The following FXYD7 variants were observed in gnomAD, a reference collection of about 807,000 sequenced individuals.
FXYD7 encodes FXYD domain containing ion transport regulator 7, also known as FXYD domain-containing ion transport regulator 7.
FXYD7 carries 7 observed loss-of-function variants against 15.3 expected under a neutral mutation model. That is an observed-to-expected ratio of 0.46 (90% confidence interval 0.26 to 0.86). The LOEUF is 0.86. FXYD7 is among the 40% of genes least tolerant of loss of function. FXYD7 has a pLI of 0.16. For missense variants in FXYD7, 78 were observed against 100.6 expected, an observed-to-expected ratio of 0.78 and a Z score of 0.96; for synonymous variants, 39 against 39.3, an observed-to-expected ratio of 0.99 and a Z score of 0.03.
In FXYD7 at chr19:35,154,240, C is replaced by T. The variant is rs1269092526; in HGVS notation, c.*324C>T. ...CCTTGTCTCATCCCCGAAGATCCGT[C>T]CCCCTGGCCCCTCAGTGTCCATGTC... On this transcript the variant is annotated 3_prime_UTR_variant, in exon 6 of 6. Coordinates refer to ENST00000270310, the MANE Select transcript of FXYD7 (RefSeq NM_022006.2). 6.3e-6 allele frequency: 3 copies of T among 478,030 alleles called. No homozygotes were observed. Among genetic ancestry groups the T allele is most frequent in the Non-Finnish European group, 7.4e-6 (2 of 268,654 alleles). The allele number at this position is 478,030 out of a possible 1,614,324, so 29.6% of individuals were successfully genotyped here. A position where few individuals can be genotyped will look rare whatever the true frequency, so the allele number is the denominator to read the frequency against.
At chr19:35,148,879 A>G in intron 2 of FXYD7, 156 bp downstream of exon 2, 1 of 772,826 alleles carries the variant, frequency 1.3e-6, no homozygotes, top group Non-Finnish European at 2.3e-6. Flanking sequence ...AGCTGAGTTC[A>G]TGGAGGGCAG....
At chr19:35,148,666 T>C (rs1568406056) in intron 1 of FXYD7, 28 bp from the exon 2 acceptor site, 8 of 1,526,178 alleles carry the variant, frequency 5.2e-6, no homozygotes, top group Non-Finnish European at 6.1e-6. Flanking sequence ...TTTTTTTCTT[T>C]CTCTTTTTCT....
At chr19:35,153,032 C>CGTTTTTTTTTTTTTTTTTTTTTTTTTT in intron 5 of FXYD7, among the ~76,000 whole-genome samples, 1 of 59,478 alleles carries the variant, frequency 1.7e-5, no homozygotes, top group Non-Finnish European at 3.2e-5. Flanking sequence ...GTTTCACGTT[C>CGTTTTTTTTTTTTTTTTTTTTTTTTTT]CTTTTTTTTT....
Position 35,153,769 on chromosome 19 carries a change from T to C in FXYD7, c.221-125T>C, listed in dbSNP as rs2065326051. 6.0e-6 allele frequency: 5 copies of C among 830,950 alleles called. No homozygotes were observed. In the South Asian group the frequency reaches 7.2e-5, roughly 12 times the overall value. The allele number at this position is 830,950 out of a possible 1,614,324, so 51.5% of individuals were successfully genotyped here. A position where few individuals can be genotyped will look rare whatever the true frequency, so the allele number is the denominator to read the frequency against. ...GGGAGGCAAGACAGCTCCTCAGTGT[T>C]AGCTCTGGGGTGACAGTCCCTGGGG... On this transcript the variant is annotated intron_variant, in intron 5 of 5. Transcript: ENST00000270310.
chr19:35,147,972 G>A (rs915002412), intron 1 of FXYD7, among the ~76,000 whole-genome samples: 2 of 150,448 alleles, frequency 1.3e-5, no homozygotes, highest in African/African-American at 4.9e-5. Flanking sequence ...CAGCCTGGGT[G>A]ACAGGGCAAG....
At chr19:35,153,616 C>T (rs1483431166) in intron 5 of FXYD7, among the ~76,000 whole-genome samples, 2 of 152,204 alleles carry the variant, frequency 1.3e-5, no homozygotes, top group Admixed American at 1.3e-4. Flanking sequence ...GAGATGGGGA[C>T]TCCCTTTCTG....
intron 1 of FXYD7, 41 bp from the exon 2 acceptor site, chr19:35,148,653 T>G: frequency 6.9e-7 from 1 of 1,446,006 alleles, no homozygotes; most frequent in Non-Finnish European, 9.3e-7. Flanking sequence ...CACTGTTAAG[T>G]TTTTTTTTTC....
chr19:35,145,491 A>G (rs1187040835), intron 1 of FXYD7, among the ~76,000 whole-genome samples: 1 of 152,344 alleles, frequency 6.6e-6, no homozygotes, highest in East Asian at 1.9e-4. Flanking sequence ...GACAAGTGAG[A>G]CAATCCACCT....
intron 2 of FXYD7, among the ~76,000 whole-genome samples, 165 bp from the exon 3 acceptor site, chr19:35,151,089 C>T (rs1024114889): frequency 2.0e-5 from 3 of 151,974 alleles, no homozygotes; most frequent in Non-Finnish European, 4.4e-5. Flanking sequence ...TGCCCAAGCC[C>T]ACACCCTACA....
intron 1 of FXYD7, among the ~76,000 whole-genome samples, chr19:35,147,039 C>G (rs1362189477): frequency 1.3e-5 from 2 of 152,312 alleles, no homozygotes; most frequent in East Asian, 3.9e-4. Flanking sequence ...TTATGACAAC[C>G]AGGTTCACGT....
rs191212875 is a variant in FXYD7, at chr19:35,148,886, G to A, written c.61+163G>A. ...TTCACATCAGCTGAGTTCATGGAGG[G>A]CAGAACCAGATGGGGGAGTGGGGAT... is the stretch of plus-strand genomic sequence containing the variant. On this transcript the variant is annotated intron_variant, in intron 2 of 5. Transcript: ENST00000270310. 32 of 762,042 alleles carry A rather than the reference G, an allele frequency of 4.2e-5. 1 individual carries two copies. Among genetic ancestry groups the A allele is most frequent in the African/African-American group, 4.1e-4 (24 of 59,026 alleles). The allele number at this position is 762,042 out of a possible 1,614,324, so 47.2% of individuals were successfully genotyped here. A position where few individuals can be genotyped will look rare whatever the true frequency, so the allele number is the denominator to read the frequency against.
chr19:35,153,030 T>C (rs1269573160), intron 5 of FXYD7, among the ~76,000 whole-genome samples: 1 of 134,220 alleles, frequency 7.5e-6, no homozygotes, highest in Non-Finnish European at 1.6e-5. Flanking sequence ...TTGTTTCACG[T>C]TCCTTTTTTT....
At position 35,143,750 on chromosome 19, in the gene FXYD7, G is replaced by T. The variant is rs2065278504; in HGVS notation, c.31+386G>T. Among the ~76,000 whole-genome samples the T allele has an allele frequency of 6.6e-6, 1 of 152,190 alleles. No homozygotes were observed. Among genetic ancestry groups the T allele is most frequent in the South Asian group, 2.1e-4 (1 of 4,830 alleles). On this transcript the variant is annotated intron_variant, in intron 1 of 5. Coordinates refer to ENST00000270310, the MANE Select transcript of FXYD7 (RefSeq NM_022006.2). This position sits in a 1 kb window ranked among gnomAD's most constrained non-coding sequence, Gnocchi z 4.3. ...GTTCTGGAAGATTTCAGGGTCCCTGGGGTGGGCAAGGGAAGGGGAGGAGGT... is the reference window on the plus strand; with the variant it reads ...GTTCTGGAAGATTTCAGGGTCCCTGTGGTGGGCAAGGGAAGGGGAGGAGGT...
chr19:35,151,312 T>C lies in FXYD7; in HGVS notation c.120T>C (p.Gly40=). 1 of 1,608,908 alleles carries C rather than the reference T, an allele frequency of 6.2e-7. No homozygotes were observed. Among genetic ancestry groups the C allele is most frequent in the Non-Finnish European group, 8.5e-7 (1 of 1,175,240 alleles). The change falls in exon 3 of 6, where the codon GGT becomes GGC. Residue 40 remains glycine, a synonymous_variant. Transcript: ENST00000270310. ...MTLATILFLL[G]ILIVISKKVK... ...TGGCAACCATCTTGTTCCTGCTGGG[T>C]ATCCTCATCGTCATCAGTAAGTGCG...
intron 5 of FXYD7, among the ~76,000 whole-genome samples, chr19:35,153,032 C>CGTTTTTTTTTTTTTTTTTTTT (rs1568407782): frequency 5.0e-5 from 3 of 59,478 alleles, no homozygotes; most frequent in Non-Finnish European, 9.5e-5. Context: ...GTTTCACGTT[C>CGTTTTTTTTTTTTTTTTTTTT]CTTTTTTTTT....
Position 35,151,323 on chromosome 19 carries a change from T to C in FXYD7, c.131T>C (p.Val44Ala), listed in dbSNP as rs2065308929. 1 of 1,606,958 alleles carries C rather than the reference T, an allele frequency of 6.2e-7. No individual in the cohort carries two copies. The highest frequency in any genetic ancestry group is 8.5e-7 in the Non-Finnish European group (1 of 1,173,446). Residue 44 changes from valine (V) to alanine (A), a missense_variant, in exon 3 of 6, where the codon GTC becomes GCC. Coordinates refer to ENST00000270310, the MANE Select transcript of FXYD7 (RefSeq NM_022006.2). ...TILFLLGILIVISKKVKCRKA... is the reference protein window; with the variant it reads ...TILFLLGILIAISKKVKCRKA... ...TTGTTCCTGCTGGGTATCCTCATCG[T>C]CATCAGTAAGTGCGACCCATTCCTG...
At chr19:35,150,843 A>G (rs2065307024) in intron 2 of FXYD7, among the ~76,000 whole-genome samples, 1 of 152,080 alleles carries the variant, frequency 6.6e-6, no homozygotes, top group Non-Finnish European at 1.5e-5. Context: ...GAGAAACCAG[A>G]TCTGACTCAA....
In FXYD7 at chr19:35,143,392, AG is replaced by A. The variant is rs2065276258; in HGVS notation, c.31+34del. 2.0e-6 allele frequency: 3 copies of A among 1,490,436 alleles called. No individual in the cohort carries two copies. The highest frequency in any genetic ancestry group is 1.3e-5 in the South Asian group (1 of 78,710). 92.3% of individuals were successfully genotyped at this position (1,490,436 alleles called of 1,614,324 possible). ...GAGCGTCGTTTGGGGAGGGGGTTGCAGGGGGGCTCCGGGATCTGAGAGCCTA... is the reference window on the plus strand; with the variant it reads ...GAGCGTCGTTTGGGGAGGGGGTTGCAGGGGGCTCCGGGATCTGAGAGCCTA... On this transcript the variant is annotated intron_variant, in intron 1 of 5. Transcript: ENST00000270310. This position sits in a 1 kb window ranked among gnomAD's most constrained non-coding sequence, Gnocchi z 4.3.
chr19:35,150,019 T>G (rs1446618325), intron 2 of FXYD7, among the ~76,000 whole-genome samples: 1 of 152,058 alleles, frequency 6.6e-6, no homozygotes, highest in Non-Finnish European at 1.5e-5. Context: ...CAGGTTCAAG[T>G]GCTTCTCCTG....
Sources: gnomAD v4.1 joint callset for allele counts (sites outside exome capture counted in the v4.1 genomes callset) on GRCh38, gnomAD v4.1.1 for gene constraint, Gnocchi (gnomAD v3.1) non-coding constraint, MANE v1.5 for transcripts, NCBI Gene and HGNC (gene_info 2026-07-23, HGNC 2026-07-21) for gene names.